Variants in PWWP3A observed in about 807,000 individuals in gnomAD.
The protein encoded by PWWP3A is PWWP domain-containing DNA repair factor 3A.
PWWP3A carries 53 observed loss-of-function variants against 79.0 expected under a neutral mutation model. The observed-to-expected ratio is 0.67, with a 90% CI of 0.54 to 0.84. The LOEUF is 0.84. Among genes scored for constraint, PWWP3A ranks in the 40% least tolerant of loss-of-function variants. The pLI is 0.00. For synonymous variants in PWWP3A, 443 were observed against 394.4 expected (o/e 1.12, Z -1.46); for missense variants, 973 against 948.0 (o/e 1.03, Z -0.35).
intron 11 of PWWP3A, 76 bp from the exon 12 acceptor site, chr19:1,370,566 C>T: frequency 7.6e-7 from 1 of 1,324,162 alleles, no homozygotes; most frequent in Admixed American, 3.1e-5. Context: ...GTCGCAGCCT[C>T]CCATCGGCCC....
At position 1,369,327 on chromosome 19, in the gene PWWP3A, C is replaced by T; in HGVS notation, c.1485C>T (p.Tyr495=). ...IGWCVSLITD[Y]RVRLGCGSFA... ...GGTGTGTCTCCCTCATCACCGACTA[C>T]AGGGTCCGGTTAGGTACGTGGGGTG... is the stretch of plus-strand genomic sequence containing the variant. The change falls in exon 10 of 14, where the codon TAC becomes TAT. Residue 495 remains tyrosine, a synonymous_variant. Transcript: ENST00000591337. This position sits in a 1 kb window ranked among gnomAD's most constrained non-coding sequence, Gnocchi z 4.0. 6.2e-7 allele frequency: 1 copy of T among 1,613,836 alleles called. No homozygotes were observed. Among genetic ancestry groups the T allele is most frequent in the Non-Finnish European group, 8.5e-7 (1 of 1,180,020 alleles).
chr19:1,375,528 T>TATATA lies in PWWP3A; in HGVS notation c.2076-991_2076-990insATATA, dbSNP rs1568965167. Among the ~76,000 whole-genome samples the TATATA allele has an allele frequency of 4.7e-4, 37 of 79,040 alleles. No individual in the cohort carries two copies. The East Asian group carries it at 0.01, about 22-fold the overall frequency. The allele number at this position is 79,040 out of a possible 152,430, so 51.9% of individuals were successfully genotyped here. Reference sequence around the variant, plus strand: ...ATATATAATATATAAAATCATATAATTTATATATTTTATATATAAAATATA... The same window carrying TATATA: ...ATATATAATATATAAAATCATATAATATATATTATATATTTTATATATAAAATATA... On this transcript the variant is annotated intron_variant, in intron 13 of 13. Transcript: ENST00000591337.
Position 1,354,984 on chromosome 19 carries a change from A to AGCGGCG in PWWP3A, c.-201_-196dup, listed in dbSNP as rs371221738. On this transcript the variant is annotated 5_prime_UTR_variant, in exon 1 of 14. Coordinates refer to ENST00000591337, the MANE Select transcript of PWWP3A (RefSeq NM_001369789.1). Reference sequence around the variant, plus strand: ...AAGCCCCGCCCCCGGCCCCGCGGGGAGCGGCGGCGGCGGCGGCGGCGGCGG... The same window carrying AGCGGCG: ...AAGCCCCGCCCCCGGCCCCGCGGGGAGCGGCGGCGGCGGCGGCGGCGGCGGCGGCGG... The AGCGGCG allele has an allele frequency of 0.021, 3,159 of 147,750 alleles. 37 individuals are homozygous for AGCGGCG. The highest frequency in any genetic ancestry group is 0.034 in the Middle Eastern group (10 of 292). The allele number at this position is 147,750 out of a possible 1,614,324, so 9.2% of individuals were successfully genotyped here.
intron 3 of PWWP3A, chr19:1,357,693 G>A (rs2081910220): frequency 6.6e-6 from 1 of 151,190 alleles, no homozygotes; most frequent in South Asian, 2.1e-4. Context: ...CTGCGTGATT[G>A]TGGCGAGGGC....
At chr19:1,361,234 C>T (rs2082008508) in intron 5 of PWWP3A, among the ~76,000 whole-genome samples, 2 of 152,204 alleles carry the variant, frequency 1.3e-5, no homozygotes, top group African/African-American at 2.4e-5. Context: ...AAATATTTGT[C>T]TTCTTATTTT....
At chr19:1,363,206 G>A (rs1180945411) in intron 6 of PWWP3A, among the ~76,000 whole-genome samples, 1 of 152,254 alleles carries the variant, frequency 6.6e-6, no homozygotes, top group Non-Finnish European at 1.5e-5. Flanking sequence ...GCCTTGTTAT[G>A]TCGTTCTTTT....
rs750113791 is a variant in PWWP3A, at chr19:1,376,503, C to T, written c.2076-16C>T. 1.4e-5 allele frequency: 22 copies of T among 1,612,256 alleles called. No homozygotes were observed. Among genetic ancestry groups the T allele is most frequent in the Non-Finnish European group, 1.8e-5 (21 of 1,179,058 alleles). ...CAATGATTAATTACTAAAATGAAGA[C>T]TCTTGTTTTCTGAAGGGAAAAAGAA... On this transcript the variant is annotated splice_polypyrimidine_tract_variant and intron_variant, in intron 13 of 13. Coordinates refer to ENST00000591337, the MANE Select transcript of PWWP3A (RefSeq NM_001369789.1).
In PWWP3A at chr19:1,368,375, C is replaced by T. The variant is rs575365254; in HGVS notation, c.1423-890C>T. On this transcript the variant is annotated intron_variant, in intron 9 of 13. Coordinates refer to ENST00000591337, the MANE Select transcript of PWWP3A (RefSeq NM_001369789.1). This position sits in a 1 kb window ranked among gnomAD's most constrained non-coding sequence, Gnocchi z 4.7. ...CCCGCTTCTTCTTCCTAAGAGTGCGCTCACATCTGCTTGTGAGTCAGGTAT... is the reference window on the plus strand; with the variant it reads ...CCCGCTTCTTCTTCCTAAGAGTGCGTTCACATCTGCTTGTGAGTCAGGTAT... Among the ~76,000 whole-genome samples, 1 of 152,316 alleles carries T rather than the reference C, an allele frequency of 6.6e-6. No individual in the cohort carries two copies. Among genetic ancestry groups the T allele is most frequent in the African/African-American group, 2.4e-5 (1 of 41,568 alleles).
chr19:1,364,906 G>A (rs939471142), intron 7 of PWWP3A, among the ~76,000 whole-genome samples: 1 of 152,146 alleles, frequency 6.6e-6, no homozygotes, highest in African/African-American at 2.4e-5. Flanking sequence ...ATCACCTGAG[G>A]TCGGGAGTTC....
intron 4 of PWWP3A, 95 bp downstream of exon 4, chr19:1,358,559 C>A: frequency 1.9e-6 from 3 of 1,602,230 alleles, no homozygotes; most frequent in Non-Finnish European, 2.6e-6. Flanking sequence ...AAAAATTCAC[C>A]CTGTTCACCA....
intron 12 of PWWP3A, 106 bp downstream of exon 12, chr19:1,371,184 G>C: frequency 7.4e-7 from 1 of 1,348,628 alleles, no homozygotes; most frequent in Non-Finnish European, 1.0e-6. Context: ...CTCCCTGGCC[G>C]TTCGGCGGCC....
rs575456361 is a variant in PWWP3A, at chr19:1,367,638, C to G, written c.1422+418C>G. On this transcript the variant is annotated intron_variant, in intron 9 of 13. Coordinates refer to ENST00000591337, the MANE Select transcript of PWWP3A (RefSeq NM_001369789.1). The stretch of plus-strand genomic sequence containing the variant: ...GCGTCCCTAGCTCAGCGTCGGGAGC[C>G]CTGTGGGCGCTCAAGTGCTGCAGTG... Among the ~76,000 whole-genome samples the G allele has an allele frequency of 1.8e-4, 28 of 152,314 alleles. No homozygotes were observed. The East Asian group carries it at 5.2e-3, about 28-fold the overall frequency.
chr19:1,357,232 C>A (rs2081893586), intron 3 of PWWP3A, 138 bp downstream of exon 3: 1 of 625,730 alleles, frequency 1.6e-6, no homozygotes, highest in East Asian at 2.8e-5. Flanking sequence ...CATTAATGCT[C>A]ATAATAACCT....
chr19:1,376,447 C>T, intron 13 of PWWP3A, 72 bp from the exon 14 acceptor site: 2 of 1,516,938 alleles, frequency 1.3e-6, no homozygotes, highest in Non-Finnish European at 1.8e-6. Flanking sequence ...AGCGACCACA[C>T]CCAGTCCTCT....
In PWWP3A at chr19:1,373,142, G is replaced by T. The variant is rs768748211; in HGVS notation, c.2057G>T (p.Gly686Val). 41 of 1,614,044 alleles carry T rather than the reference G, an allele frequency of 2.5e-5. No homozygotes were observed. The highest frequency in any genetic ancestry group is 3.0e-5 in the Non-Finnish European group (35 of 1,180,020). ...YKTAEEKYIK[G>V]PSLSYREKEI... ...ACGGCTGAGGAGAAGTACATCAAGGGGCCTTCGCTGAGCTACCGGTAGGCC... is the reference window on the plus strand; with the variant it reads ...ACGGCTGAGGAGAAGTACATCAAGGTGCCTTCGCTGAGCTACCGGTAGGCC... The change falls in exon 13 of 14, where the codon GGG becomes GTG. Residue 686 changes from glycine to valine, a missense_variant. Coordinates refer to ENST00000591337, the MANE Select transcript of PWWP3A (RefSeq NM_001369789.1).
At chr19:1,374,559 G>C (rs1303675944) in intron 13 of PWWP3A, among the ~76,000 whole-genome samples, 1 of 152,080 alleles carries the variant, frequency 6.6e-6, no homozygotes, top group Non-Finnish European at 1.5e-5. Flanking sequence ...CTGGTGCTGC[G>C]GCCGGTGTGC....
Position 1,368,027 on chromosome 19 carries a change from C to T in PWWP3A, c.1422+807C>T, listed in dbSNP as rs552788554. 3.3e-5 allele frequency among the ~76,000 whole-genome samples: 5 copies of T among 152,272 alleles called. No individual in the cohort carries two copies. The highest frequency in any genetic ancestry group is 9.6e-5 in the African/African-American group (4 of 41,540). On this transcript the variant is annotated intron_variant, in intron 9 of 13. Transcript: ENST00000591337. The surrounding 1 kb of genome is among the most constrained non-coding windows in gnomAD (Gnocchi z 4.7). ...GCAACCTCCACCTCCTGGGTTCATGCGATTCTGCTGCCTCAGCCTTCCGAG... is the reference window on the plus strand; with the variant it reads ...GCAACCTCCACCTCCTGGGTTCATGTGATTCTGCTGCCTCAGCCTTCCGAG...
intron 12 of PWWP3A, among the ~76,000 whole-genome samples, chr19:1,371,915 C>G (rs1353710727): frequency 6.7e-6 from 1 of 149,768 alleles, no homozygotes; most frequent in African/African-American, 2.5e-5. Flanking sequence ...TCACGCCATT[C>G]TCTTGTAGCC....
At chr19:1,355,489 C>G (rs1255077462) in intron 1 of PWWP3A, among the ~76,000 whole-genome samples, 7 of 122,412 alleles carry the variant, frequency 5.7e-5, no homozygotes, top group East Asian at 5.2e-4. Flanking sequence ...TTCCCCACCC[C>G]CAACCGTGAA....
Sources: gnomAD v4.1 joint callset for allele counts (sites outside exome capture counted in the v4.1 genomes callset) on GRCh38, gnomAD v4.1.1 for gene constraint, Gnocchi (gnomAD v3.1) non-coding constraint, MANE v1.5 for transcripts, NCBI Gene and HGNC (gene_info 2026-07-23, HGNC 2026-07-21) for gene names.